The following OR1L8 variants were observed in gnomAD, a reference collection of about 807,000 sequenced individuals.
The protein encoded by OR1L8 is olfactory receptor family 1 subfamily L member 8.
For missense variants in OR1L8, 330 were observed against 377.4 expected, an observed-to-expected ratio of 0.87 and a Z score of 1.04; for synonymous variants, 148 against 147.0, an observed-to-expected ratio of 1.01 and a Z score of -0.05.
At chr9:122,575,445 G>T (rs1829636101) in intron 3 of OR1L8, among the ~76,000 whole-genome samples, 1 of 152,046 alleles carries the variant, frequency 6.6e-6, no homozygotes, top group African/African-American at 2.4e-5. Flanking sequence ...GTCTTTCAAA[G>T]AATTTGTCCA....
At chr9:122,551,621 C>G in the OR1L8 span, among the ~76,000 whole-genome samples, 25 of 152,108 alleles carry the variant, frequency 1.6e-4, no homozygotes, top group Non-Finnish European at 3.2e-4. Flanking sequence ...GCATTGCCAG[C>G]AAGAGGCTTC....
chr9:122,578,116 C>G (rs1829688018), intron 2 of OR1L8, among the ~76,000 whole-genome samples: 1 of 152,104 alleles, frequency 6.6e-6, no homozygotes, highest in African/African-American at 2.4e-5. Flanking sequence ...ACCATTTGAT[C>G]CAGCAATCCC....
At chr9:122,559,310 T>A in the OR1L8 span, among the ~76,000 whole-genome samples, 1 of 152,040 alleles carries the variant, frequency 6.6e-6, no homozygotes, top group Non-Finnish European at 1.5e-5. Context: ...ATTTTTATTT[T>A]TTTTTATTTT....
downstream of OR1L8, among the ~76,000 whole-genome samples, chr9:122,566,793 C>T (rs187025914): frequency 8.4e-4 from 128 of 152,048 alleles, 1 homozygote; most frequent in Non-Finnish European, 1.4e-3. Context: ...AGTTTCTAGA[C>T]GAAGTATTAA....
At chr9:122,572,471 G>A (rs1382913972) in intron 4 of OR1L8, among the ~76,000 whole-genome samples, 1 of 152,138 alleles carries the variant, frequency 6.6e-6, no homozygotes, top group Non-Finnish European at 1.5e-5. Flanking sequence ...CGGGGAAAAA[G>A]GAAGAAGGTT....
In OR1L8 at chr9:122,567,951, T is replaced by C; in HGVS notation, c.527A>G (p.His176Arg). 6.2e-7 allele frequency: 1 copy of C among 1,613,860 alleles called. No individual in the cohort carries two copies. The highest frequency in any genetic ancestry group is 8.5e-7 in the Non-Finnish European group (1 of 1,179,972). ...RLTFCDSNVI[H>R]HFLCDLSPVL... is the part of the protein sequence containing the mutation. Reference sequence around the variant, plus strand: ...AGGGCTGAGGTCACAGAGAAAGTGGTGGATAACATTGGAGTCACAGAAGGT... The same window carrying C: ...AGGGCTGAGGTCACAGAGAAAGTGGCGGATAACATTGGAGTCACAGAAGGT... Residue 176 changes from histidine (H) to arginine (R), a missense_variant, in exon 5 of 5, where the codon CAC (histidine) becomes CGC (arginine). Physicochemically the swap from His to Arg is conservative, Grantham distance 29 (BLOSUM62 0). Transcript: ENST00000641027.
intron 3 of OR1L8, among the ~76,000 whole-genome samples, chr9:122,574,572 G>C (rs1829609228): frequency 6.6e-6 from 1 of 151,978 alleles, no homozygotes; most frequent in Non-Finnish European, 1.5e-5. Flanking sequence ...TTGCTTATTA[G>C]TTCCAGGAAT....
chr9:122,554,292 A>T, the OR1L8 span: 1 of 657,440 alleles, frequency 1.5e-6, no homozygotes, highest in South Asian at 2.1e-5. Flanking sequence ...GGGATGTAAA[A>T]AAAAAAAAAA....
At chr9:122,582,415 GT>G (rs1263366970) in intron 1 of OR1L8, among the ~76,000 whole-genome samples, 3 of 152,154 alleles carry the variant, frequency 2.0e-5, no homozygotes, top group African/African-American at 7.2e-5. Flanking sequence ...AAATTTATGA[GT>G]TTAAAAAATA....
At chr9:122,576,590 G>A (rs1344160375) in intron 3 of OR1L8, among the ~76,000 whole-genome samples, 176 bp downstream of exon 3, 1 of 151,962 alleles carries the variant, frequency 6.6e-6, no homozygotes, top group East Asian at 1.9e-4. Flanking sequence ...CCATATCTTG[G>A]CTATTATGAA....
chr9:122,576,091 G>A (rs1829649973), intron 3 of OR1L8, among the ~76,000 whole-genome samples: 1 of 152,124 alleles, frequency 6.6e-6, no homozygotes, highest in Non-Finnish European at 1.5e-5. Flanking sequence ...TAATAATATT[G>A]TAAGGCTGAA....
the OR1L8 span, among the ~76,000 whole-genome samples, chr9:122,556,694 A>T: frequency 6.6e-6 from 1 of 152,168 alleles, no homozygotes; most frequent in African/African-American, 2.4e-5. Context: ...AGAAAAAAAA[A>T]GTAAGTAGTG....
At chr9:122,554,629 C>T in the OR1L8 span, among the ~76,000 whole-genome samples, 12 of 152,274 alleles carry the variant, frequency 7.9e-5, no homozygotes, top group East Asian at 2.3e-3. Context: ...AATAACTTAA[C>T]AAGTCAATTT....
At position 122,578,373 on chromosome 9, in the gene OR1L8, T is replaced by C. The variant is rs1588219988; in HGVS notation, c.-527A>G. 6.8e-6 allele frequency: 1 copy of C among 148,034 alleles called. No homozygotes were observed. The highest frequency in any genetic ancestry group is 1.5e-5 in the Non-Finnish European group (1 of 67,534). 9.2% of individuals were successfully genotyped at this position (148,034 alleles called of 1,614,324 possible). ...CTGAGGCAGGAGAATAGCTTGAACC[T>C]GGGAGGCGGAGATTGCAGTGAGTTG... On this transcript the variant is annotated 5_prime_UTR_variant, in exon 2 of 5. Transcript: ENST00000641027.
chr9:122,575,478 T>C (rs1338360104), intron 3 of OR1L8, among the ~76,000 whole-genome samples: 1 of 152,154 alleles, frequency 6.6e-6, no homozygotes, highest in Non-Finnish European at 1.5e-5. Flanking sequence ...ATCAAATTTG[T>C]GGGTACAGAG....
At chr9:122,548,764 C>A in the OR1L8 span, among the ~76,000 whole-genome samples, 2 of 112,550 alleles carry the variant, frequency 1.8e-5, no homozygotes, top group African/African-American at 7.0e-5. Context: ...CCCCACCCCA[C>A]AACAGGCCCC....
chr9:122,574,201 TAC>T (rs529408981), intron 3 of OR1L8, among the ~76,000 whole-genome samples: 121 of 152,292 alleles, frequency 7.9e-4, no homozygotes, highest in African/African-American at 2.7e-3. Context: ...CTTTTGCCTC[TAC>T]ATATAAACTT....
chr9:122,553,320 A>G, the OR1L8 span: 1 of 1,613,978 alleles, frequency 6.2e-7, no homozygotes, highest in Non-Finnish European at 8.5e-7. Flanking sequence ...CTTCCTTGGC[A>G]TGTACCTGGT....
Position 122,574,121 on chromosome 9 carries a change from C to T in OR1L8, c.-341-1213G>A, listed in dbSNP as rs76337894. On this transcript the variant is annotated intron_variant, in intron 3 of 4. Coordinates refer to ENST00000641027, the MANE Select transcript of OR1L8 (RefSeq NM_001004454.2). ...GTATATATTGTCTTGATTACTGTAG[C>T]TTTGAAGTCAGGTAGTGTCAGTCCT... 2.9e-3 allele frequency among the ~76,000 whole-genome samples: 440 copies of T among 152,170 alleles called. 2 individuals are homozygous for T. Among genetic ancestry groups the T allele is most frequent in the Middle Eastern group, 0.02 (6 of 294 alleles).
Sources: gnomAD v4.1 joint callset for allele counts (sites outside exome capture counted in the v4.1 genomes callset) on GRCh38, gnomAD v4.1.1 for gene constraint, MANE v1.5 for transcripts, NCBI Gene and HGNC (gene_info 2026-07-23, HGNC 2026-07-21) for gene names.